LRRTM4: variants seen among roughly 807,000 people sequenced by gnomAD.
LRRTM4 encodes the protein leucine-rich repeat transmembrane neuronal protein 4.
LRRTM4 carries 25 observed loss-of-function variants against 47.6 expected under a neutral mutation model. That is an observed-to-expected ratio of 0.53 (90% CI 0.38 to 0.73). The LOEUF is 0.73. LRRTM4 is among the 30% of genes least tolerant of loss of function. The pLI, the probability that LRRTM4 is intolerant of heterozygous loss-of-function variation, is 0.00. For missense variants in LRRTM4, 638 were observed against 713.4 expected (o/e 0.89, Z 1.20); for synonymous variants, 311 against 269.5 (o/e 1.15, Z -1.51).
At chr2:77,433,038 G>A (rs1466299433) in intron 3 of LRRTM4, among the ~76,000 whole-genome samples, 1 of 152,176 alleles carries the variant, frequency 6.6e-6, no homozygotes, top group Non-Finnish European at 1.5e-5. Context: ...TCTCTGAAAT[G>A]GGAGAAGGGC....
intron 3 of LRRTM4, among the ~76,000 whole-genome samples, chr2:77,516,509 G>A (rs575961722): frequency 7.9e-5 from 12 of 151,770 alleles, no homozygotes; most frequent in Admixed American, 3.3e-4. Flanking sequence ...GAATTAATGC[G>A]TCTAGAATTT....
At chr2:77,102,794 C>A (rs527479857) in intron 3 of LRRTM4, among the ~76,000 whole-genome samples, 1 of 152,118 alleles carries the variant, frequency 6.6e-6, no homozygotes, top group African/African-American at 2.4e-5. Flanking sequence ...TAGGGGTCAA[C>A]GAGCTGACTG....
intron 3 of LRRTM4, among the ~76,000 whole-genome samples, chr2:77,360,672 C>A (rs991367666): frequency 1.3e-5 from 2 of 152,032 alleles, no homozygotes; most frequent in Non-Finnish European, 2.9e-5. Context: ...TAGTAGAGAG[C>A]AGCAGAGCAG....
intron 3 of LRRTM4, among the ~76,000 whole-genome samples, chr2:77,064,012 G>GT (rs1679875544): frequency 6.6e-6 from 1 of 152,056 alleles, no homozygotes; most frequent in Admixed American, 6.6e-5. Flanking sequence ...GTGTGTGCAC[G>GT]TGTCTATATA....
In LRRTM4 at chr2:77,465,937, T is replaced by C. The variant is rs1490553042; in HGVS notation, c.1551+52381A>G. ...CTAGGTAATGATAAAAGCAGCAGGC[T>C]TCTCAAATGCAATATGGACTGTTTT... On this transcript the variant is annotated intron_variant, in intron 3 of 3. Coordinates refer to ENST00000409884, the MANE Select transcript of LRRTM4 (RefSeq NM_001134745.3). Among the ~76,000 whole-genome samples, 1,203 of 152,270 alleles carry C rather than the reference T, an allele frequency of 7.9e-3. 5 individuals are homozygous for C. The highest frequency in any genetic ancestry group is 0.012 in the Non-Finnish European group (787 of 68,018).
chr2:77,384,110 C>G (rs1403899961), intron 3 of LRRTM4, among the ~76,000 whole-genome samples: 1 of 151,946 alleles, frequency 6.6e-6, no homozygotes, highest in African/African-American at 2.4e-5. Flanking sequence ...TTAATGACTT[C>G]ATATTCTTTA....
chr2:77,459,860 C>T (rs761842601), intron 3 of LRRTM4, among the ~76,000 whole-genome samples: 1 of 151,746 alleles, frequency 6.6e-6, no homozygotes. Flanking sequence ...TAATCATTTA[C>T]GCTGATGAAA....
rs778923646 is a variant in LRRTM4 at position 76,915,367 on chromosome 2, T to C, written c.1552-166451A>G. On this transcript the variant is annotated intron_variant, in intron 3 of 3. Transcript: ENST00000409884. ...GCCTTGAGGGTCATTCTGGGTAAAGTTGTGGCAGTGTGGTGACACTGCCTC... is the reference window on the plus strand; with the variant it reads ...GCCTTGAGGGTCATTCTGGGTAAAGCTGTGGCAGTGTGGTGACACTGCCTC... Among the ~76,000 whole-genome samples, 26 of 152,320 alleles carry C rather than the reference T, an allele frequency of 1.7e-4. 1 individual carries two copies. Among genetic ancestry groups the C allele is most frequent in the South Asian group, 6.2e-4 (3 of 4,828 alleles).
At chr2:77,006,141 T>A (rs1032357429) in intron 3 of LRRTM4, among the ~76,000 whole-genome samples, 1 of 152,180 alleles carries the variant, frequency 6.6e-6, no homozygotes, top group African/African-American at 2.4e-5. Context: ...TTTTCAACCA[T>A]GCTCTTCTGA....
At chr2:76,838,904 A>G (rs1671593707) in intron 3 of LRRTM4, among the ~76,000 whole-genome samples, 1 of 152,110 alleles carries the variant, frequency 6.6e-6, no homozygotes, top group Non-Finnish European at 1.5e-5. Context: ...TTTAGTCACA[A>G]AATAAACCTA....
At chr2:77,041,786 G>T (rs967193334) in intron 3 of LRRTM4, among the ~76,000 whole-genome samples, 2 of 149,474 alleles carry the variant, frequency 1.3e-5, no homozygotes, top group African/African-American at 4.9e-5. Context: ...TTAATATTAG[G>T]TCGGTGCAAA....
chr2:76,848,606 CATT>C (rs893323613), intron 3 of LRRTM4, among the ~76,000 whole-genome samples: 30 of 151,958 alleles, frequency 2.0e-4, no homozygotes, highest in Non-Finnish European at 4.1e-4. Flanking sequence ...ATCTCCAGTT[CATT>C]ATTATTTTAG....
chr2:77,355,894 A>C (rs550965678), intron 3 of LRRTM4, among the ~76,000 whole-genome samples: 1 of 152,270 alleles, frequency 6.6e-6, no homozygotes, highest in East Asian at 1.9e-4. Flanking sequence ...GGAGTTTGAG[A>C]CCAGCCTGAG....
At chr2:77,386,544 C>A (rs1673282633) in intron 3 of LRRTM4, among the ~76,000 whole-genome samples, 1 of 152,104 alleles carries the variant, frequency 6.6e-6, no homozygotes, top group South Asian at 2.1e-4. Context: ...TAAGTCTTTG[C>A]TATTGTGAAC....
At chr2:77,469,256 C>T (rs960239361) in intron 3 of LRRTM4, among the ~76,000 whole-genome samples, 2 of 152,342 alleles carry the variant, frequency 1.3e-5, no homozygotes, top group South Asian at 4.1e-4. Context: ...AAGCGTTTGC[C>T]TCTGAAAGCA....
At chr2:77,384,561 A>G (rs1673189700) in intron 3 of LRRTM4, among the ~76,000 whole-genome samples, 1 of 151,968 alleles carries the variant, frequency 6.6e-6, no homozygotes, top group African/African-American at 2.4e-5. Context: ...GGTTTATACT[A>G]AGATCCTCAT....
At chr2:77,230,528 G>A (rs1002879272) in intron 3 of LRRTM4, among the ~76,000 whole-genome samples, 1 of 152,110 alleles carries the variant, frequency 6.6e-6, no homozygotes, top group African/African-American at 2.4e-5. Context: ...TATAAAATAA[G>A]ATTGTGAAGA....
At chr2:76,875,124 T>C (rs375778986) in intron 3 of LRRTM4, among the ~76,000 whole-genome samples, 2 of 152,074 alleles carry the variant, frequency 1.3e-5, no homozygotes, top group Non-Finnish European at 1.5e-5. Context: ...AAGTAGCACA[T>C]AGATCAAATA....
chr2:76,975,994 G>A (rs1676406455), intron 3 of LRRTM4, among the ~76,000 whole-genome samples: 1 of 151,536 alleles, frequency 6.6e-6, no homozygotes, highest in Non-Finnish European at 1.5e-5. Flanking sequence ...TTCATTTCTT[G>A]CTTCTAATTC....
Sources: gnomAD v4.1 joint callset for allele counts (sites outside exome capture counted in the v4.1 genomes callset) on GRCh38, gnomAD v4.1.1 for gene constraint, MANE v1.5 for transcripts, NCBI Gene and HGNC (gene_info 2026-07-23, HGNC 2026-07-21) for gene names.